SESN2: variants seen among roughly 807,000 people sequenced by gnomAD.
SESN2 encodes the protein sestrin-2.
Under a neutral mutation model 56.0 loss-of-function variants are expected in SESN2, and 42 were observed. The ratio of observed to expected loss-of-function variants is 0.75; its 90% CI spans 0.59 to 0.97. SESN2 has a LOEUF of 0.97. Ranked by LOEUF, SESN2 falls within the 50% of genes least tolerant of loss-of-function variation. The pLI, the probability that SESN2 is intolerant of heterozygous loss-of-function variation, is 0.00. For synonymous variants in SESN2, 264 were observed against 267.1 expected, an observed-to-expected ratio of 0.99 and a Z score of 0.11; for missense variants, 507 against 649.4, an observed-to-expected ratio of 0.78 and a Z score of 2.38.
intron 1 of SESN2, among the ~76,000 whole-genome samples, chr1:28,268,934 T>A (rs1557731792): frequency 6.6e-6 from 1 of 152,188 alleles, no homozygotes; most frequent in Admixed American, 6.5e-5. Context: ...GACCCTCCCA[T>A]CCCGCAATGC....
intron 8 of SESN2, among the ~76,000 whole-genome samples, chr1:28,278,540 C>T (rs1476363467): frequency 2.0e-5 from 3 of 152,252 alleles, no homozygotes; most frequent in Non-Finnish European, 4.4e-5. Context: ...GCACTCCAGC[C>T]TGTGCAACAG....
intron 1 of SESN2, among the ~76,000 whole-genome samples, chr1:28,268,128 T>C (rs1295879543): frequency 6.6e-6 from 1 of 152,058 alleles, no homozygotes; most frequent in African/African-American, 2.4e-5. Context: ...AGAAAGTTAA[T>C]GTGGCTACTG....
chr1:28,270,678 TCTC>T (rs759542492), intron 2 of SESN2, among the ~76,000 whole-genome samples: 9 of 152,014 alleles, frequency 5.9e-5, no homozygotes, highest in South Asian at 2.1e-4. Context: ...TTCAAGCAAT[TCTC>T]CTGCCTCAAG....
At chr1:28,260,912 C>T (rs1022240950) in intron 1 of SESN2, among the ~76,000 whole-genome samples, 1 of 152,078 alleles carries the variant, frequency 6.6e-6, no homozygotes, top group Non-Finnish European at 1.5e-5. Context: ...CAGGACTAAA[C>T]CAGCAATACA....
At chr1:28,278,412 C>G (rs758647537) in intron 8 of SESN2, among the ~76,000 whole-genome samples, 57 of 152,082 alleles carry the variant, frequency 3.7e-4, no homozygotes, top group Non-Finnish European at 1.8e-4. Context: ...ACTAAAAATA[C>G]AAAAATTAGC....
chr1:28,272,560 C>T (rs1647822912), intron 4 of SESN2, 21 bp from the exon 5 acceptor site: 1 of 1,613,040 alleles, frequency 6.2e-7, no homozygotes, highest in African/African-American at 1.3e-5. Context: ...CAGCTCTGAC[C>T]TCCCCCCTTG....
rs112908075 is a variant in SESN2, at chr1:28,271,487, T to C, written c.157-187T>C. On this transcript the variant is annotated intron_variant, in intron 2 of 9. Transcript: ENST00000253063. Reference sequence around the variant, plus strand: ...TATGTGTAAGTACTGGCCATTATTATATAAGGTACCTAATAAGTATTTATT... The same window carrying C: ...TATGTGTAAGTACTGGCCATTATTACATAAGGTACCTAATAAGTATTTATT... Among the ~76,000 whole-genome samples the C allele has an allele frequency of 4.8e-3, 728 of 152,334 alleles. 7 individuals are homozygous for C. The highest frequency in any genetic ancestry group is 0.017 in the African/African-American group (696 of 41,568).
intron 8 of SESN2, among the ~76,000 whole-genome samples, chr1:28,276,371 C>G (rs1648040667): frequency 6.6e-6 from 1 of 151,052 alleles, no homozygotes; most frequent in African/African-American, 2.4e-5. Context: ...CCCAGGTATT[C>G]TAGAGGCTGA....
intron 1 of SESN2, among the ~76,000 whole-genome samples, chr1:28,260,778 A>G (rs1647349220): frequency 6.6e-6 from 1 of 151,038 alleles, no homozygotes; most frequent in African/African-American, 2.4e-5. Flanking sequence ...GGCTGGACCT[A>G]ACCAGACTGA....
At chr1:28,276,001 G>T (rs1357939547) in intron 8 of SESN2, among the ~76,000 whole-genome samples, 2 of 151,998 alleles carry the variant, frequency 1.3e-5, no homozygotes, top group Non-Finnish European at 2.9e-5. Context: ...ACAAAAATTA[G>T]CCAGGCATGG....
intron 2 of SESN2, among the ~76,000 whole-genome samples, chr1:28,270,300 G>A (rs551082095): frequency 5.3e-5 from 8 of 151,302 alleles, no homozygotes; most frequent in Non-Finnish European, 7.4e-5. Context: ...GCAGTGAGCC[G>A]AGATCGCGCC....
In SESN2 at chr1:28,273,339, C is replaced by T. The variant is rs1223416068; in HGVS notation, c.751-19C>T. The T allele has an allele frequency of 6.4e-7, 1 of 1,559,070 alleles. No individual in the cohort carries two copies. The highest frequency in any genetic ancestry group is 8.7e-7 in the Non-Finnish European group (1 of 1,150,412). ...TGAAGGAGGAGGAGTAGCTGGTCAC[C>T]ACGGGGCCTCTCCTGCAGGGCTTTG... is the stretch of plus-strand genomic sequence containing the variant. On this transcript the variant is annotated intron_variant, in intron 5 of 9. Transcript: ENST00000253063.
intron 5 of SESN2, 55 bp downstream of exon 5, chr1:28,272,848 CT>C: frequency 1.0e-6 from 1 of 995,420 alleles, no homozygotes; most frequent in Non-Finnish European, 1.5e-6. Flanking sequence ...ACCTCTGGTC[CT>C]TAGGTAGAAG....
At chr1:28,272,228 C>G (rs1647804016) in intron 3 of SESN2, 56 bp from the exon 4 acceptor site, 1 of 1,585,742 alleles carries the variant, frequency 6.3e-7, no homozygotes, top group Non-Finnish European at 8.6e-7. Flanking sequence ...GGTACCCACC[C>G]TGAGCCAGGC....
At chr1:28,263,035 A>G (rs1435550325) in intron 1 of SESN2, among the ~76,000 whole-genome samples, 5 of 151,998 alleles carry the variant, frequency 3.3e-5, no homozygotes, top group Non-Finnish European at 7.4e-5. Context: ...CATTCCCTCC[A>G]TTGTAGGAGC....
rs1648242823 is a variant in SESN2 at position 28,281,571 on chromosome 1, T to G, written c.*769T>G. On this transcript the variant is annotated 3_prime_UTR_variant, in exon 10 of 10. Coordinates refer to ENST00000253063, the MANE Select transcript of SESN2 (RefSeq NM_031459.5). ...TTATTTTGGTCCTTTATGCTTGAGGTTCCAACCTGGAGCCACAGTGTGTGA... is the reference window on the plus strand; with the variant it reads ...TTATTTTGGTCCTTTATGCTTGAGGGTCCAACCTGGAGCCACAGTGTGTGA... The G allele has an allele frequency of 6.6e-6, 1 of 152,174 alleles. No homozygotes were observed. The highest frequency in any genetic ancestry group is 2.4e-5 in the African/African-American group (1 of 41,402). 9.4% of individuals were successfully genotyped at this position (152,174 alleles called of 1,614,324 possible).
At chr1:28,264,054 A>G (rs1186741889) in intron 1 of SESN2, among the ~76,000 whole-genome samples, 4 of 148,696 alleles carry the variant, frequency 2.7e-5, no homozygotes, top group Non-Finnish European at 6.0e-5. Flanking sequence ...GTGAGACCTC[A>G]TCTCTATTTA....
chr1:28,259,683 A>AG lies in SESN2; in HGVS notation c.-164dup. On this transcript the variant is annotated 5_prime_UTR_variant, in exon 1 of 10. Transcript: ENST00000253063. The stretch of plus-strand genomic sequence containing the variant: ...GACTGGGGGAAGAGTCCAGCACCAA[A>AG]GCGGCCGTTCTCGGATTCCGGAGCG... 2 of 515,766 alleles carry AG rather than the reference A, an allele frequency of 3.9e-6. No individual in the cohort carries two copies. The highest frequency in any genetic ancestry group is 6.6e-6 in the Non-Finnish European group (2 of 300,980). The allele number at this position is 515,766 out of a possible 1,614,324, so 31.9% of individuals were successfully genotyped here.
intron 3 of SESN2, 78 bp downstream of exon 3, chr1:28,271,949 T>A: frequency 7.3e-7 from 1 of 1,361,618 alleles, no homozygotes; most frequent in South Asian, 1.2e-5. Flanking sequence ...TCTGGGAGCT[T>A]TGTGAGCTGA....
Sources: gnomAD v4.1 joint callset for allele counts (sites outside exome capture counted in the v4.1 genomes callset) on GRCh38, gnomAD v4.1.1 for gene constraint, MANE v1.5 for transcripts, NCBI Gene and HGNC (gene_info 2026-07-23, HGNC 2026-07-21) for gene names.